The following TRAPPC6A variants were observed in gnomAD, a reference collection of about 807,000 sequenced individuals.
TRAPPC6A encodes trafficking protein particle complex subunit 6A, also known as TRAPP complex subunit 6A.
In TRAPPC6A, 25 loss-of-function variants were observed where a neutral mutation model predicts 20.8. The observed-to-expected ratio is 1.20, with a 90% CI of 0.88 to 1.68. The LOEUF (loss-of-function observed/expected upper bound fraction) is 1.68, where lower values mean the gene tolerates loss of function less well. TRAPPC6A is among the 40% of genes most tolerant of loss of function. The pLI, the probability that TRAPPC6A is intolerant of heterozygous loss-of-function variation, is 0.00. For synonymous variants in TRAPPC6A, 96 were observed against 93.3 expected (o/e 1.03, Z -0.16); for missense variants, 215 against 211.6 (o/e 1.02, Z -0.10).
intron 1 of TRAPPC6A, among the ~76,000 whole-genome samples, chr19:45,170,808 C>A (rs986274163): frequency 2.6e-5 from 4 of 152,184 alleles, no homozygotes; most frequent in Non-Finnish European, 5.9e-5. Context: ...TGGACAGGGG[C>A]CATTCAGATC....
intron 1 of TRAPPC6A, 24 bp downstream of exon 1, chr19:45,178,111 C>T (rs761613560): frequency 6.2e-7 from 1 of 1,613,054 alleles, no homozygotes; most frequent in Non-Finnish European, 8.5e-7. Flanking sequence ...CCCCCGCTTC[C>T]TCCCCACGGA....
At chr19:45,171,299 C>CACAAAACAAAACAAA (rs150712507) in intron 1 of TRAPPC6A, among the ~76,000 whole-genome samples, 6,716 of 149,862 alleles carry the variant, frequency 0.045, 240 homozygotes, top group East Asian at 0.091. Context: ...GAGACTCAGT[C>CACAAAACAAAACAAA]ACAAAACAAA....
Position 45,163,945 on chromosome 19 carries a change from A to C in TRAPPC6A, c.419T>G (p.Val140Gly). 2 of 1,581,462 alleles carry C rather than the reference A, an allele frequency of 1.3e-6. No individual in the cohort carries two copies. The highest frequency in any genetic ancestry group is 1.7e-6 in the Non-Finnish European group (2 of 1,164,294). Residue 140 changes from valine (V) to glycine (G), a missense_variant, in exon 5 of 6, where the codon GTC (valine) becomes GGC (glycine). By Grantham distance (109) the Val-to-Gly change is moderately radical. Coordinates refer to ENST00000585934, the MANE Select transcript of TRAPPC6A (RefSeq NM_001270891.2). This position sits in a 1 kb window ranked among gnomAD's most constrained non-coding sequence, Gnocchi z 5.3. The stretch of plus-strand genomic sequence containing the variant: ...GGGCAGGGCTGCCACGGAGGCGGTG[A>C]CCACGCTCTCAATGCCCAGGGTATA... Reference protein sequence around the residue: ...ALYTLGIESVVTASVAALPVC... With the variant: ...ALYTLGIESVGTASVAALPVC...
chr19:45,171,932 C>A (rs1969276507), intron 1 of TRAPPC6A, among the ~76,000 whole-genome samples: 2 of 152,184 alleles, frequency 1.3e-5, no homozygotes. Flanking sequence ...AGCGCCTTAG[C>A]TCTTTACTAC....
chr19:45,178,196 T>G lies in TRAPPC6A; in HGVS notation c.23A>C (p.Glu8Ala). MADTVLF[E>A]FLHTEMVAEL... ...AGCCACCATCTCCGTGTGAAGAAAC[T>G]CAAACAACACAGTATCCGCCATGCC... The change falls in exon 1 of 6, where the codon GAG becomes GCG. Residue 8 changes from glutamate to alanine, a missense_variant. Coordinates refer to ENST00000585934, the MANE Select transcript of TRAPPC6A (RefSeq NM_001270891.2). 1.2e-6 allele frequency: 2 copies of G among 1,610,700 alleles called. No homozygotes were observed. The highest frequency in any genetic ancestry group is 1.7e-6 in the Non-Finnish European group (2 of 1,177,580).
At chr19:45,176,982 CAG>C (rs563995456) in intron 1 of TRAPPC6A, among the ~76,000 whole-genome samples, 125 of 150,322 alleles carry the variant, frequency 8.3e-4, no homozygotes, top group Non-Finnish European at 1.5e-3. Flanking sequence ...TCCTGGCTAA[CAG>C]TGAAAACCCG....
chr19:45,178,011 AGACGTTGCCCTGCAAGGCC>A, intron 1 of TRAPPC6A, 105 bp downstream of exon 1: 1 of 1,527,604 alleles, frequency 6.5e-7, no homozygotes, highest in South Asian at 1.2e-5. Context: ...AGCCAGGGCC[AGACGTTGCCCTGCAAGGCC>A]GGGGCTGGGC....
intron 1 of TRAPPC6A, among the ~76,000 whole-genome samples, chr19:45,169,220 G>A (rs149553138): frequency 0.022 from 3,330 of 152,300 alleles, 69 homozygotes; most frequent in South Asian, 0.054. Context: ...GTCCAGATCC[G>A]CCCCAGCACT....
intron 1 of TRAPPC6A, among the ~76,000 whole-genome samples, chr19:45,165,868 C>CTG (rs1476282708): frequency 1.3e-5 from 2 of 151,510 alleles, no homozygotes; most frequent in African/African-American, 4.8e-5. Context: ...GTCCACGTGC[C>CTG]TGTGTGTGTG....
rs1969310270 is a variant in TRAPPC6A, at chr19:45,173,781, G to C, written c.84+4354C>G. ...GCCCCCTGAAAAACGGGGCTCCCCA[G>C]GAGGAAGGAGTGAGGGGAAACGATG... is the stretch of plus-strand genomic sequence containing the variant. On this transcript the variant is annotated intron_variant, in intron 1 of 5. Coordinates refer to ENST00000585934, the MANE Select transcript of TRAPPC6A (RefSeq NM_001270891.2). The surrounding 1 kb of genome is among the most constrained non-coding windows in gnomAD (Gnocchi z 4.8). 6.6e-6 allele frequency among the ~76,000 whole-genome samples: 1 copy of C among 152,210 alleles called. No homozygotes were observed. The highest frequency in any genetic ancestry group is 1.5e-5 in the Non-Finnish European group (1 of 68,032).
At chr19:45,165,260 G>C in intron 1 of TRAPPC6A, 66 bp from the exon 2 acceptor site, 4 of 1,497,842 alleles carry the variant, frequency 2.7e-6, no homozygotes, top group Non-Finnish European at 3.6e-6. Context: ...CACCCAGGGG[G>C]GGACCTGCCA....
chr19:45,177,727 G>A (rs1192514789), intron 1 of TRAPPC6A, among the ~76,000 whole-genome samples: 2 of 152,206 alleles, frequency 1.3e-5, no homozygotes, highest in African/African-American at 2.4e-5. Flanking sequence ...ATAAGTGGGT[G>A]TCGAATAAAT....
intron 1 of TRAPPC6A, among the ~76,000 whole-genome samples, chr19:45,165,536 G>T (rs982703261): frequency 1.3e-5 from 2 of 152,204 alleles, no homozygotes; most frequent in Non-Finnish European, 2.9e-5. Flanking sequence ...CAGGCTGCAC[G>T]TGCTTTCAGC....
intron 1 of TRAPPC6A, 89 bp from the exon 2 acceptor site, chr19:45,165,283 A>G: frequency 7.8e-7 from 1 of 1,283,888 alleles, no homozygotes; most frequent in Non-Finnish European, 1.1e-6. Context: ...GGACCCAAAG[A>G]CCAACTTGCT....
chr19:45,178,006 G>A, intron 1 of TRAPPC6A, 129 bp downstream of exon 1: 5 of 1,509,786 alleles, frequency 3.3e-6, no homozygotes, highest in Non-Finnish European at 4.4e-6. Flanking sequence ...GAGGAAGCCA[G>A]GGCCAGACGT....
At chr19:45,164,049 G>A in intron 4 of TRAPPC6A, 40 bp from the exon 5 acceptor site, 1 of 1,556,356 alleles carries the variant, frequency 6.4e-7, no homozygotes, top group Non-Finnish European at 8.7e-7. Flanking sequence ...AGAGAGGGGA[G>A]GCCAGCACCC....
intron 1 of TRAPPC6A, among the ~76,000 whole-genome samples, chr19:45,167,314 G>A (rs540002540): frequency 1.2e-4 from 19 of 152,276 alleles, no homozygotes; most frequent in African/African-American, 4.6e-4. Context: ...TTTCACGCAG[G>A]TTAATTAACA....
chr19:45,169,029 C>T (rs1202108555), intron 1 of TRAPPC6A, among the ~76,000 whole-genome samples: 2 of 152,236 alleles, frequency 1.3e-5, no homozygotes, highest in Non-Finnish European at 2.9e-5. Context: ...GTGTCACCAT[C>T]TGCTTTCCTC....
At chr19:45,171,627 A>G (rs1230397956) in intron 1 of TRAPPC6A, among the ~76,000 whole-genome samples, 1 of 152,256 alleles carries the variant, frequency 6.6e-6, no homozygotes, top group Non-Finnish European at 1.5e-5. Context: ...TGTAAGACAG[A>G]TAACACCTCC....
Sources: gnomAD v4.1 joint callset for allele counts (sites outside exome capture counted in the v4.1 genomes callset) on GRCh38, gnomAD v4.1.1 for gene constraint, Gnocchi (gnomAD v3.1) non-coding constraint, MANE v1.5 for transcripts, NCBI Gene and HGNC (gene_info 2026-07-23, HGNC 2026-07-21) for gene names.